DGKG: variants seen among roughly 807,000 people sequenced by gnomAD.
The protein encoded by DGKG is DAG kinase gamma.
In DGKG, 78 loss-of-function variants were observed where a neutral mutation model predicts 105.3. That is an observed-to-expected ratio of 0.74 (90% CI 0.62 to 0.89). The LOEUF (loss-of-function observed/expected upper bound fraction) is 0.89, where lower values mean the gene tolerates loss of function less well. Ranked by LOEUF, DGKG falls within the 40% of genes least tolerant of loss-of-function variation. The pLI, the probability that DGKG is intolerant of heterozygous loss-of-function variation, is 0.00. For missense variants in DGKG, 958 were observed against 1,020.1 expected (o/e 0.94, Z 0.83); for synonymous variants, 346 against 367.1 (o/e 0.94, Z 0.66).
chr3:186,304,161 A>C (rs1724112405), intron 3 of DGKG, among the ~76,000 whole-genome samples: 1 of 152,102 alleles, frequency 6.6e-6, no homozygotes, highest in Non-Finnish European at 1.5e-5. Flanking sequence ...CCCTGACCAA[A>C]CTGTTCCTCT....
chr3:186,289,258 T>C (rs1172073849), intron 5 of DGKG, among the ~76,000 whole-genome samples: 1 of 152,202 alleles, frequency 6.6e-6, no homozygotes, highest in Non-Finnish European at 1.5e-5. Context: ...TTCAAAATGG[T>C]AAATGGCCAA....
At chr3:186,297,293 G>A in intron 5 of DGKG, 128 bp downstream of exon 5, 1 of 716,466 alleles carries the variant, frequency 1.4e-6, no homozygotes, top group South Asian at 1.7e-5. Flanking sequence ...GAAGGCCACA[G>A]GAGGACCAGA....
intron 22 of DGKG, among the ~76,000 whole-genome samples, chr3:186,180,120 T>G (rs1717286079): frequency 6.6e-6 from 1 of 151,788 alleles, no homozygotes; most frequent in African/African-American, 2.4e-5. Flanking sequence ...TATATGAGAG[T>G]TCCTCAAGCC....
chr3:186,211,575 C>T (rs1402225228), intron 21 of DGKG, among the ~76,000 whole-genome samples: 2 of 152,180 alleles, frequency 1.3e-5, no homozygotes, highest in African/African-American at 2.4e-5. Context: ...TCTGGGCTCT[C>T]GGGGCCTCTG....
At chr3:186,302,507 CATATGTGTATATATATATAT>C (rs1724002532) in intron 3 of DGKG, among the ~76,000 whole-genome samples, 1 of 11,482 alleles carries the variant, frequency 8.7e-5, no homozygotes, top group African/African-American at 1.7e-4. Context: ...TATATATATA[CATATGTGTATATATATATAT>C]ATATACATAT....
chr3:186,272,821 C>T (rs1028489150), intron 10 of DGKG, among the ~76,000 whole-genome samples: 12 of 152,104 alleles, frequency 7.9e-5, no homozygotes, highest in Admixed American at 1.3e-4. Context: ...CGGGTTCAAG[C>T]GATTCTCCTG....
chr3:186,353,720 T>C (rs1726768366), intron 1 of DGKG, among the ~76,000 whole-genome samples: 1 of 133,474 alleles, frequency 7.5e-6, no homozygotes, highest in African/African-American at 2.6e-5. Flanking sequence ...GTGGACTCTG[T>C]TCCACTCAGC....
intron 20 of DGKG, among the ~76,000 whole-genome samples, chr3:186,214,341 T>C (rs1268096217): frequency 6.6e-6 from 1 of 152,198 alleles, no homozygotes; most frequent in Non-Finnish European, 1.5e-5. Flanking sequence ...AAAAGTTAAA[T>C]GAGATAACAG....
chr3:186,352,063 G>C (rs1461607813), intron 1 of DGKG, among the ~76,000 whole-genome samples: 1 of 152,150 alleles, frequency 6.6e-6, no homozygotes, highest in Non-Finnish European at 1.5e-5. Context: ...CCCACAACTG[G>C]TGCTTTTTCA....
rs945283766 is a variant in DGKG at position 186,233,232 on chromosome 3, G to A, written c.1826+9272C>T. ...ATCAGCGTTCTCATAAGTGGAAGAG[G>A]GAGGCAGGAGAAAGAATGTCAGGGG... On this transcript the variant is annotated intron_variant, in intron 20 of 24. Coordinates refer to ENST00000265022, the MANE Select transcript of DGKG (RefSeq NM_001346.3). Among the ~76,000 whole-genome samples, 33 of 152,280 alleles carry A rather than the reference G, an allele frequency of 2.2e-4. 3 individuals carry two copies. Among genetic ancestry groups the A allele is most frequent in the Admixed American group, 1.4e-3 (21 of 15,288 alleles).
At chr3:186,302,307 T>C (rs1336187618) in intron 3 of DGKG, among the ~76,000 whole-genome samples, 1 of 151,772 alleles carries the variant, frequency 6.6e-6, no homozygotes, top group Admixed American at 6.6e-5. Context: ...TGTGTCCTAA[T>C]CAGTGCACCT....
At chr3:186,265,917 G>A (rs949056960) in intron 13 of DGKG, among the ~76,000 whole-genome samples, 11 of 151,932 alleles carry the variant, frequency 7.2e-5, no homozygotes, top group African/African-American at 2.7e-4. Flanking sequence ...TGATCCGCTG[G>A]CCTCAGCCTC....
At chr3:186,186,933 C>T (rs1183299192) in intron 22 of DGKG, among the ~76,000 whole-genome samples, 1 of 152,208 alleles carries the variant, frequency 6.6e-6, no homozygotes, top group Admixed American at 6.5e-5. Flanking sequence ...CTGGTGGCCT[C>T]TAAAGCATAC....
At chr3:186,223,738 C>T (rs932196208) in intron 20 of DGKG, among the ~76,000 whole-genome samples, 9 of 152,346 alleles carry the variant, frequency 5.9e-5, no homozygotes, top group South Asian at 2.1e-4. Flanking sequence ...ATGCTCTCTA[C>T]TTTGCTTCCA....
intron 20 of DGKG, among the ~76,000 whole-genome samples, chr3:186,235,966 C>T (rs987588229): frequency 6.6e-6 from 1 of 152,210 alleles, no homozygotes; most frequent in African/African-American, 2.4e-5. Context: ...TGCCCTGTTC[C>T]TCCTGAGGCC....
At chr3:186,273,231 A>G (rs571680068) in intron 10 of DGKG, among the ~76,000 whole-genome samples, 2 of 152,176 alleles carry the variant, frequency 1.3e-5, no homozygotes, top group African/African-American at 4.8e-5. Flanking sequence ...TATTCCACAC[A>G]TTATTGCTGT....
intron 9 of DGKG, among the ~76,000 whole-genome samples, chr3:186,276,292 G>A (rs1193419346): frequency 2.6e-5 from 4 of 152,122 alleles, no homozygotes; most frequent in South Asian, 2.1e-4. Context: ...ATGATACAAT[G>A]TTAAGCGAAA....
intron 22 of DGKG, among the ~76,000 whole-genome samples, chr3:186,178,057 G>C (rs1717171250): frequency 6.6e-6 from 1 of 152,226 alleles, no homozygotes; most frequent in East Asian, 1.9e-4. Flanking sequence ...TCCACATGAG[G>C]ATACAGCAAG....
intron 12 of DGKG, 144 bp downstream of exon 12, chr3:186,268,657 C>T: frequency 8.2e-6 from 5 of 613,358 alleles, no homozygotes; most frequent in South Asian, 7.7e-5. Context: ...AGGCTGAGGG[C>T]ATTGAATAGG....
Sources: gnomAD v4.1 joint callset for allele counts (sites outside exome capture counted in the v4.1 genomes callset) on GRCh38, gnomAD v4.1.1 for gene constraint, MANE v1.5 for transcripts, NCBI Gene and HGNC (gene_info 2026-07-23, HGNC 2026-07-21) for gene names.